SRL: variants seen among roughly 807,000 people sequenced by gnomAD.
SRL encodes the protein sarcalumenin.
Under a neutral mutation model 39.5 loss-of-function variants are expected in SRL, and 23 were observed. The observed-to-expected ratio is 0.58, with a 90% CI of 0.42 to 0.82. The LOEUF is 0.82. Ranked by LOEUF, SRL falls within the 40% of genes least tolerant of loss-of-function variation. The pLI is 0.00. For synonymous variants in SRL, 272 were observed against 237.4 expected (o/e 1.15, Z -1.34); for missense variants, 592 against 607.8 (o/e 0.97, Z 0.27).
chr16:4,234,752 G>A (rs1005410036), intron 1 of SRL, among the ~76,000 whole-genome samples: 3 of 152,184 alleles, frequency 2.0e-5, no homozygotes, highest in Admixed American at 6.5e-5. Flanking sequence ...AGCCGTGCTC[G>A]CCATGGCTCC....
chr16:4,214,790 C>T (rs372829751), intron 1 of SRL, among the ~76,000 whole-genome samples: 12 of 148,268 alleles, frequency 8.1e-5, no homozygotes, highest in Admixed American at 1.4e-4. Context: ...TTTTTTTAGA[C>T]GAAGTCTCAT....
intron 1 of SRL, among the ~76,000 whole-genome samples, chr16:4,213,795 G>C (rs2141046513): frequency 1.3e-5 from 2 of 152,316 alleles, no homozygotes; most frequent in South Asian, 2.1e-4. Flanking sequence ...TTCCAAGGTA[G>C]TTTCCTGTGC....
chr16:4,204,830 G>T (rs751656064), intron 1 of SRL, among the ~76,000 whole-genome samples, 196 bp from the exon 2 acceptor site: 3 of 152,162 alleles, frequency 2.0e-5, no homozygotes, highest in Non-Finnish European at 2.9e-5. Context: ...TAGTGTATTC[G>T]CATTCGGGGA....
intron 1 of SRL, among the ~76,000 whole-genome samples, chr16:4,229,711 A>G (rs924990371): frequency 6.6e-6 from 1 of 152,080 alleles, no homozygotes; most frequent in Non-Finnish European, 1.5e-5. Flanking sequence ...AAGATCAACA[A>G]AAGCCCAAAC....
chr16:4,199,692 C>CTTTTTTTTTTT (rs201684866), intron 3 of SRL, among the ~76,000 whole-genome samples: 4 of 111,454 alleles, frequency 3.6e-5, no homozygotes, highest in African/African-American at 1.4e-4. Flanking sequence ...CTTTTCTTTT[C>CTTTTTTTTTTT]CTTTTTTTTT....
intron 1 of SRL, among the ~76,000 whole-genome samples, chr16:4,226,386 A>G (rs1418913562): frequency 1.3e-5 from 2 of 151,788 alleles, no homozygotes; most frequent in Non-Finnish European, 2.9e-5. Flanking sequence ...GGATGGATGG[A>G]TGAACAGATG....
At chr16:4,205,400 A>G (rs1319350498) in intron 1 of SRL, among the ~76,000 whole-genome samples, 2 of 152,202 alleles carry the variant, frequency 1.3e-5, no homozygotes, top group Non-Finnish European at 2.9e-5. Context: ...TGGGCAAAAG[A>G]GGGAGACCCT....
intron 1 of SRL, among the ~76,000 whole-genome samples, chr16:4,221,569 T>G (rs1016563229): frequency 6.6e-6 from 1 of 152,156 alleles, no homozygotes; most frequent in African/African-American, 2.4e-5. Flanking sequence ...AGGAGCTTAG[T>G]GGGCCGGCCT....
At chr16:4,218,907 C>A (rs748540649) in intron 1 of SRL, among the ~76,000 whole-genome samples, 3 of 152,262 alleles carry the variant, frequency 2.0e-5, no homozygotes, top group Non-Finnish European at 4.4e-5. Flanking sequence ...AGCTCATAGA[C>A]CTCTCTGGAA....
In SRL at chr16:4,203,452, C is replaced by G. The variant is rs144008837; in HGVS notation, c.164-191G>C. Reference sequence around the variant, plus strand: ...TGGCCCACATCTCAACTCGCAGAAACCTCCAAATGAAAAGGCATTCTCCTA... The same window carrying G: ...TGGCCCACATCTCAACTCGCAGAAAGCTCCAAATGAAAAGGCATTCTCCTA... On this transcript the variant is annotated intron_variant, in intron 2 of 5. Transcript: ENST00000399609. Among the ~76,000 whole-genome samples, 856 of 152,316 alleles carry G rather than the reference C, an allele frequency of 5.6e-3. 9 individuals carry two copies. The highest frequency in any genetic ancestry group is 7.7e-3 in the Non-Finnish European group (526 of 68,022).
intron 1 of SRL, among the ~76,000 whole-genome samples, chr16:4,215,354 C>T (rs1389707021): frequency 6.6e-6 from 1 of 152,122 alleles, no homozygotes; most frequent in African/African-American, 2.4e-5. Flanking sequence ...GGACTCTAGC[C>T]CTTAAAATGA....
At chr16:4,239,713 C>G (rs1034855365) in intron 1 of SRL, 3 of 152,414 alleles carry the variant, frequency 2.0e-5, no homozygotes, top group Admixed American at 1.3e-4. Context: ...AGGACCCTGG[C>G]CCGGGTGTGC....
At chr16:4,208,522 C>A (rs1032622771) in intron 1 of SRL, among the ~76,000 whole-genome samples, 3 of 152,178 alleles carry the variant, frequency 2.0e-5, no homozygotes, top group African/African-American at 7.2e-5. Flanking sequence ...TGGGCTCAAC[C>A]TTGGAGATGC....
chr16:4,201,102 A>G (rs531102740), intron 3 of SRL, among the ~76,000 whole-genome samples: 1 of 146,574 alleles, frequency 6.8e-6, no homozygotes, highest in Admixed American at 7.2e-5. Flanking sequence ...AAAATGTTTA[A>G]TTCCAGGGTT....
intron 1 of SRL, among the ~76,000 whole-genome samples, chr16:4,225,476 C>G (rs2052577022): frequency 6.6e-6 from 1 of 151,974 alleles, no homozygotes; most frequent in South Asian, 2.1e-4. Context: ...GCCAGCTACT[C>G]AGGAGGCTGA....
intron 5 of SRL, among the ~76,000 whole-genome samples, chr16:4,193,331 C>T (rs1174897129): frequency 6.6e-6 from 1 of 152,180 alleles, no homozygotes; most frequent in East Asian, 1.9e-4. Flanking sequence ...CCATGCCCCA[C>T]CTGATCATTG....
intron 1 of SRL, among the ~76,000 whole-genome samples, chr16:4,205,492 C>T (rs1325332089): frequency 6.6e-6 from 1 of 152,160 alleles, no homozygotes; most frequent in East Asian, 1.9e-4. Context: ...ATTCTGAAAG[C>T]TAAGTGCGGC....
At chr16:4,220,272 T>G (rs1268634963) in intron 1 of SRL, among the ~76,000 whole-genome samples, 1 of 66,638 alleles carries the variant, frequency 1.5e-5, no homozygotes, top group Non-Finnish European at 3.1e-5. Context: ...AATCTGTCTC[T>G]ACTAAAACAC....
intron 1 of SRL, among the ~76,000 whole-genome samples, chr16:4,239,304 C>T (rs1370466105): frequency 1.3e-5 from 2 of 152,214 alleles, no homozygotes; most frequent in Admixed American, 6.5e-5. Flanking sequence ...CATGCACCAG[C>T]CCCTTGCCAT....
Sources: allele counts gnomAD v4.1 joint callset (sites outside exome capture counted in the v4.1 genomes callset), GRCh38; gene constraint gnomAD v4.1.1; transcripts MANE v1.5; gene names NCBI Gene and HGNC (gene_info 2026-07-23, HGNC 2026-07-21).